The following MACROD2 variants were observed in gnomAD, a reference collection of about 807,000 sequenced individuals.
The protein encoded by MACROD2 is ADP-ribose glycohydrolase MACROD2.
Under a neutral mutation model 70.4 loss-of-function variants are expected in MACROD2, and 36 were observed. The observed-to-expected ratio is 0.51, with a 90% CI of 0.39 to 0.68. The LOEUF is 0.68. Ranked by LOEUF, MACROD2 falls within the 30% of genes least tolerant of loss-of-function variation. MACROD2 has a pLI of 0.00. For missense variants in MACROD2, 496 were observed against 538.4 expected, an observed-to-expected ratio of 0.92 and a Z score of 0.78; for synonymous variants, 172 against 178.8, an observed-to-expected ratio of 0.96 and a Z score of 0.30.
At chr20:16,017,993 C>T (rs1267422198) in intron 15 of MACROD2, among the ~76,000 whole-genome samples, 4 of 152,178 alleles carry the variant, frequency 2.6e-5, no homozygotes, top group African/African-American at 9.7e-5. Context: ...CCGTCTCCTA[C>T]ACCTAGTGGC....
At chr20:15,170,506 G>T (rs1464145980) in intron 5 of MACROD2, among the ~76,000 whole-genome samples, 3 of 152,136 alleles carry the variant, frequency 2.0e-5, no homozygotes, top group Non-Finnish European at 4.4e-5. Flanking sequence ...CTGGTAGTCA[G>T]CAGCCCTAGA....
At chr20:14,742,853 A>G (rs1170614376) in intron 5 of MACROD2, among the ~76,000 whole-genome samples, 5 of 149,478 alleles carry the variant, frequency 3.3e-5, no homozygotes, top group Non-Finnish European at 5.9e-5. Context: ...TGCAAGCTCC[A>G]CCTCCCGGGT....
At chr20:14,873,310 T>G (rs1017537739) in intron 5 of MACROD2, among the ~76,000 whole-genome samples, 1 of 152,126 alleles carries the variant, frequency 6.6e-6, no homozygotes, top group South Asian at 2.1e-4. Context: ...TTCATTTTCT[T>G]TTATTAGGTT....
At chr20:15,978,359 A>G (rs1157853261) in intron 13 of MACROD2, among the ~76,000 whole-genome samples, 1 of 152,158 alleles carries the variant, frequency 6.6e-6, no homozygotes, top group Non-Finnish European at 1.5e-5. Flanking sequence ...TCCGGGTGGC[A>G]TGGGGGAGGT....
rs142305522 is a variant in MACROD2 at position 15,963,491 on chromosome 20, G to A, written c.908-4062G>A. Among the ~76,000 whole-genome samples, 7 of 152,222 alleles carry A rather than the reference G, an allele frequency of 4.6e-5. No individual in the cohort carries two copies. The East Asian group carries it at 1.4e-3, about 29-fold the overall frequency. On this transcript the variant is annotated intron_variant, in intron 12 of 17. Transcript: ENST00000684519. ...AACATGGTTTTTTGCCAGTTGGATTGTCCCTCTCATTTATTTAACACATCT... is the reference window on the plus strand; with the variant it reads ...AACATGGTTTTTTGCCAGTTGGATTATCCCTCTCATTTATTTAACACATCT...
intron 15 of MACROD2, among the ~76,000 whole-genome samples, chr20:16,008,246 A>G (rs1435856171): frequency 2.0e-5 from 3 of 152,102 alleles, no homozygotes; most frequent in Non-Finnish European, 4.4e-5. Flanking sequence ...TTAGTCGTTT[A>G]TCTCGCCTAT....
At chr20:15,249,072 G>A (rs943800264) in intron 6 of MACROD2, among the ~76,000 whole-genome samples, 19 of 152,210 alleles carry the variant, frequency 1.2e-4, no homozygotes, top group African/African-American at 4.1e-4. Context: ...TTCTGAGAAG[G>A]CACGTGGAAG....
At chr20:15,522,754 G>A (rs1179832094) in intron 8 of MACROD2, among the ~76,000 whole-genome samples, 2 of 152,152 alleles carry the variant, frequency 1.3e-5, no homozygotes, top group African/African-American at 4.8e-5. Context: ...GACTTGGATG[G>A]CCTTTAGCTG....
intron 1 of MACROD2, among the ~76,000 whole-genome samples, chr20:13,998,680 G>T (rs2052693814): frequency 1.3e-5 from 2 of 152,128 alleles, no homozygotes; most frequent in South Asian, 4.1e-4. Context: ...GAAGGGCTAG[G>T]CGCGGTGGCT....
At chr20:14,047,284 A>G (rs560698585) in intron 2 of MACROD2, among the ~76,000 whole-genome samples, 1 of 152,010 alleles carries the variant, frequency 6.6e-6, no homozygotes, top group Admixed American at 6.6e-5. Context: ...GTCTCTACTA[A>G]AAAAACCCAA....
intron 8 of MACROD2, among the ~76,000 whole-genome samples, chr20:15,843,352 G>A (rs539063872): frequency 1.3e-5 from 2 of 152,252 alleles, no homozygotes; most frequent in Admixed American, 6.5e-5. Context: ...TGTGCACTGT[G>A]AGCAGAGTGA....
chr20:15,315,087 G>A (rs1049107926), intron 6 of MACROD2, among the ~76,000 whole-genome samples: 2 of 152,196 alleles, frequency 1.3e-5, no homozygotes, highest in East Asian at 1.9e-4. Context: ...CAAACTGGAA[G>A]TGGGTCAATT....
intron 5 of MACROD2, among the ~76,000 whole-genome samples, chr20:14,801,900 G>C (rs1340961495): frequency 2.0e-5 from 3 of 151,964 alleles, no homozygotes; most frequent in Non-Finnish European, 4.4e-5. Flanking sequence ...TTTTCGTTTT[G>C]ACTTTCCAAA....
At chr20:14,214,222 A>G (rs1047007367) in intron 3 of MACROD2, among the ~76,000 whole-genome samples, 2 of 152,292 alleles carry the variant, frequency 1.3e-5, no homozygotes, top group South Asian at 4.1e-4. Context: ...GGTCATGATC[A>G]CATCTGTGTT....
At chr20:15,594,548 A>C (rs1185955917) in intron 8 of MACROD2, among the ~76,000 whole-genome samples, 1 of 152,166 alleles carries the variant, frequency 6.6e-6, no homozygotes, top group African/African-American at 2.4e-5. Context: ...CATGGCCCCC[A>C]TCACCACATT....
At chr20:14,837,298 G>C (rs1026391168) in intron 5 of MACROD2, among the ~76,000 whole-genome samples, 1 of 151,884 alleles carries the variant, frequency 6.6e-6, no homozygotes, top group Non-Finnish European at 1.5e-5. Flanking sequence ...GAACATTTTT[G>C]GTTGTCTAAC....
chr20:15,794,223 A>G (rs1246945670), intron 8 of MACROD2, among the ~76,000 whole-genome samples: 2 of 152,130 alleles, frequency 1.3e-5, no homozygotes, highest in African/African-American at 2.4e-5. Flanking sequence ...GTCCAATTCT[A>G]TCCACTCCTT....
At chr20:15,653,333 A>G (rs1470362467) in intron 8 of MACROD2, among the ~76,000 whole-genome samples, 2 of 152,218 alleles carry the variant, frequency 1.3e-5, no homozygotes, top group African/African-American at 4.8e-5. Flanking sequence ...ATTATCAGAG[A>G]GAAAGAAGAA....
chr20:14,159,980 CAT>C (rs1436743158), intron 3 of MACROD2, among the ~76,000 whole-genome samples: 1 of 152,128 alleles, frequency 6.6e-6, no homozygotes, highest in Non-Finnish European at 1.5e-5. Context: ...TTGAGATTAT[CAT>C]GTGGTTTTTG....
Sources: allele counts gnomAD v4.1 joint callset (sites outside exome capture counted in the v4.1 genomes callset), GRCh38; gene constraint gnomAD v4.1.1; transcripts MANE v1.5; gene names NCBI Gene and HGNC (gene_info 2026-07-23, HGNC 2026-07-21).